The following PRKCE variants were observed in gnomAD, a reference collection of about 807,000 sequenced individuals.
The protein encoded by PRKCE is protein kinase C epsilon type.
In PRKCE, 16 loss-of-function variants were observed where a neutral mutation model predicts 85.4. That is an observed-to-expected ratio of 0.19 (90% CI 0.13 to 0.28). The LOEUF is 0.28. PRKCE is among the 10% of genes least tolerant of loss of function. The pLI is 1.00. For synonymous variants in PRKCE, 388 were observed against 371.5 expected (o/e 1.04, Z -0.51); for missense variants, 573 against 975.2 (o/e 0.59, Z 5.49).
intron 10 of PRKCE, among the ~76,000 whole-genome samples, chr2:46,013,264 C>T (rs1315239067): frequency 6.6e-6 from 1 of 152,174 alleles, no homozygotes; most frequent in East Asian, 1.9e-4. Flanking sequence ...CTATTATTCA[C>T]CTGACTCTGA....
chr2:46,136,045 A>G (rs1037410473), intron 11 of PRKCE, among the ~76,000 whole-genome samples: 8 of 152,050 alleles, frequency 5.3e-5, no homozygotes, highest in African/African-American at 1.9e-4. Flanking sequence ...AGTCTCCACT[A>G]TTTGTCCCAA....
At chr2:45,684,185 C>A (rs1403446) in intron 1 of PRKCE, among the ~76,000 whole-genome samples, 1,959 of 152,298 alleles carry the variant, frequency 0.013, 42 homozygotes, top group African/African-American at 0.045. Context: ...CCAGGAGCTT[C>A]TGAAGTTGGC....
chr2:46,093,654 A>T (rs2345954), intron 11 of PRKCE, among the ~76,000 whole-genome samples: 80,945 of 151,450 alleles, frequency 0.53, 23,576 homozygotes, highest in East Asian at 0.83. Flanking sequence ...TCAGCCTCCC[A>T]AATTGCTGGG....
intron 1 of PRKCE, among the ~76,000 whole-genome samples, chr2:45,677,481 C>T (rs545451615): frequency 6.6e-6 from 1 of 151,978 alleles, no homozygotes; most frequent in Admixed American, 6.6e-5. Flanking sequence ...CTCAGCCTCC[C>T]GAGTAGCTGG....
chr2:46,179,845 C>T (rs962058005), intron 14 of PRKCE, among the ~76,000 whole-genome samples: 3 of 152,166 alleles, frequency 2.0e-5, no homozygotes, highest in East Asian at 1.9e-4. Flanking sequence ...AGCCATCCCC[C>T]CCAACTCCCT....
chr2:46,088,801 A>G (rs1356899114), intron 11 of PRKCE, among the ~76,000 whole-genome samples: 1 of 152,154 alleles, frequency 6.6e-6, no homozygotes, highest in African/African-American at 2.4e-5. Context: ...AGTGAGTACA[A>G]TCACCAACAT....
intron 2 of PRKCE, among the ~76,000 whole-genome samples, chr2:45,918,621 A>T (rs1698010211): frequency 6.6e-6 from 1 of 152,176 alleles, no homozygotes; most frequent in South Asian, 2.1e-4. Context: ...TTCAAATTCA[A>T]CCCAAATCTC....
chr2:46,030,138 C>G (rs927738474), intron 10 of PRKCE, among the ~76,000 whole-genome samples: 2 of 152,200 alleles, frequency 1.3e-5, no homozygotes, highest in African/African-American at 4.8e-5. Context: ...GGGAGGGCAG[C>G]ATCCTCACTG....
rs1163342908 is a variant in PRKCE, at chr2:46,145,325, G to A, written c.1731+94G>A. On this transcript the variant is annotated intron_variant, in intron 12 of 14. Transcript: ENST00000306156. This position sits in a 1 kb window ranked among gnomAD's most constrained non-coding sequence, Gnocchi z 4.6. ...ACTGGGGTCATCTAGTGGTGCTGGGGGAAGGCTCTGGAAATCCAGGATGGA... is the reference window on the plus strand; with the variant it reads ...ACTGGGGTCATCTAGTGGTGCTGGGAGAAGGCTCTGGAAATCCAGGATGGA... The A allele has an allele frequency of 1.4e-6, 2 of 1,476,196 alleles. No homozygotes were observed. Among genetic ancestry groups the A allele is most frequent in the South Asian group, 1.2e-5 (1 of 82,720 alleles). The allele number at this position is 1,476,196 out of a possible 1,614,324, so 91.4% of individuals were successfully genotyped here.
At chr2:46,075,252 A>G (rs1001393625) in intron 10 of PRKCE, among the ~76,000 whole-genome samples, 3 of 151,900 alleles carry the variant, frequency 2.0e-5, no homozygotes, top group African/African-American at 7.2e-5. Flanking sequence ...CGTATTAGCC[A>G]GGATGGTCTT....
intron 1 of PRKCE, among the ~76,000 whole-genome samples, chr2:45,816,971 C>T (rs1322316705): frequency 6.6e-6 from 1 of 151,970 alleles, no homozygotes; most frequent in African/African-American, 2.4e-5. Context: ...CTTATAATAA[C>T]AGTAGGTGTT....
chr2:45,839,066 A>T (rs996428853), intron 1 of PRKCE, among the ~76,000 whole-genome samples: 1 of 152,092 alleles, frequency 6.6e-6, no homozygotes. Context: ...GCTTCAGGCC[A>T]CAAGGCCGCT....
At chr2:45,828,081 C>T (rs1223368602) in intron 1 of PRKCE, among the ~76,000 whole-genome samples, 2 of 152,296 alleles carry the variant, frequency 1.3e-5, no homozygotes, top group African/African-American at 2.4e-5. Context: ...GAAATGTTTG[C>T]CCATTCCTGA....
At chr2:45,972,128 C>T (rs1702150425) in intron 2 of PRKCE, among the ~76,000 whole-genome samples, 1 of 152,184 alleles carries the variant, frequency 6.6e-6, no homozygotes, top group Non-Finnish European at 1.5e-5. Flanking sequence ...TAAAACTTAT[C>T]ATTCTTTTTT....
intron 2 of PRKCE, among the ~76,000 whole-genome samples, chr2:45,947,852 C>G (rs946785779): frequency 2.0e-5 from 3 of 152,158 alleles, no homozygotes; most frequent in Non-Finnish European, 4.4e-5. Context: ...AAATTTCTTG[C>G]TCTAAAGTGT....
intron 2 of PRKCE, among the ~76,000 whole-genome samples, chr2:45,883,092 C>T (rs887875039): frequency 9.9e-5 from 15 of 152,232 alleles, no homozygotes; most frequent in Non-Finnish European, 2.1e-4. Context: ...TCTTCAAATT[C>T]ACATTGTAGT....
intron 1 of PRKCE, among the ~76,000 whole-genome samples, chr2:45,832,217 G>C (rs999987129): frequency 1.3e-5 from 2 of 152,084 alleles, no homozygotes; most frequent in African/African-American, 4.8e-5. Context: ...GAGCCTCTCG[G>C]CTATTTTGCT....
intron 1 of PRKCE, among the ~76,000 whole-genome samples, chr2:45,733,907 A>G (rs901965038): frequency 2.6e-5 from 4 of 152,088 alleles, no homozygotes; most frequent in East Asian, 3.9e-4. Context: ...GCCTGTGCAC[A>G]TGGCATTCAT....
intron 2 of PRKCE, among the ~76,000 whole-genome samples, chr2:45,870,560 A>C (rs942315307): frequency 6.6e-6 from 1 of 152,186 alleles, no homozygotes; most frequent in East Asian, 1.9e-4. Flanking sequence ...CTCTCTCATC[A>C]GCCATGCAGA....
Sources: gnomAD v4.1 joint callset for allele counts (sites outside exome capture counted in the v4.1 genomes callset) on GRCh38, gnomAD v4.1.1 for gene constraint, Gnocchi (gnomAD v3.1) non-coding constraint, MANE v1.5 for transcripts, NCBI Gene and HGNC (gene_info 2026-07-23, HGNC 2026-07-21) for gene names.